Variants in ADGRB3 observed in about 807,000 individuals in gnomAD.
ADGRB3 encodes the protein brain-specific angiogenesis inhibitor 3.
ADGRB3 carries 37 observed loss-of-function variants against 193.4 expected under a neutral mutation model. That is an observed-to-expected ratio of 0.19 (90% CI 0.15 to 0.25). The LOEUF (loss-of-function observed/expected upper bound fraction) is 0.25. ADGRB3 is among the 10% of genes least tolerant of loss of function. The probability of loss-of-function intolerance (pLI) is 1.00; values close to 1 mark genes in which losing one functional copy is unlikely to be tolerated. For synonymous variants in ADGRB3, 690 were observed against 644.2 expected, an observed-to-expected ratio of 1.07 and a Z score of -1.08; for missense variants, 1,637 against 1,852.9, an observed-to-expected ratio of 0.88 and a Z score of 2.14.
intron 3 of ADGRB3, among the ~76,000 whole-genome samples, chr6:68,903,943 A>G (rs1766466742): frequency 6.6e-6 from 1 of 150,592 alleles, no homozygotes; most frequent in Non-Finnish European, 1.5e-5. Context: ...GGCTGCAGTA[A>G]ACTGAGTGTG....
chr6:68,775,632 A>G (rs1486303667), intron 3 of ADGRB3, among the ~76,000 whole-genome samples: 1 of 152,114 alleles, frequency 6.6e-6, no homozygotes, highest in African/African-American at 2.4e-5. Flanking sequence ...CAACTGATTC[A>G]AAAGTTTCTT....
intron 20 of ADGRB3, among the ~76,000 whole-genome samples, chr6:69,298,733 G>T (rs1767886845): frequency 6.6e-6 from 1 of 151,808 alleles, no homozygotes; most frequent in Admixed American, 6.6e-5. Context: ...TTTTGTGGCT[G>T]GATCATATTC....
intron 17 of ADGRB3, among the ~76,000 whole-genome samples, chr6:69,115,974 G>A (rs1480695580): frequency 6.6e-6 from 1 of 152,226 alleles, no homozygotes; most frequent in African/African-American, 2.4e-5. Context: ...CACAATTATG[G>A]AGGCTGGTAA....
At chr6:69,152,211 A>C (rs1299206416) in intron 17 of ADGRB3, among the ~76,000 whole-genome samples, 2 of 152,178 alleles carry the variant, frequency 1.3e-5, no homozygotes, top group Non-Finnish European at 2.9e-5. Flanking sequence ...CTCTAAATCT[A>C]ATTTTTATGT....
rs193167428 is a variant in ADGRB3 at position 68,814,019 on chromosome 6, G to A, written c.758-116540G>A. On this transcript the variant is annotated intron_variant, in intron 3 of 31. Coordinates refer to ENST00000370598, the MANE Select transcript of ADGRB3 (RefSeq NM_001704.3). ...GTGAATAGTGCCACAATAAACCTAC[G>A]TGTGCATGTGTCTTTATAGCAGCAT... is the stretch of plus-strand genomic sequence containing the variant. 2.2e-4 allele frequency among the ~76,000 whole-genome samples: 34 copies of A among 152,244 alleles called. No homozygotes were observed. The East Asian group carries it at 5.2e-3, about 23-fold the overall frequency.
intron 6 of ADGRB3, among the ~76,000 whole-genome samples, chr6:68,946,257 T>G (rs1767772836): frequency 6.6e-6 from 1 of 152,132 alleles, no homozygotes; most frequent in South Asian, 2.1e-4. Flanking sequence ...TATGTAGGTT[T>G]ATTTGGTGGA....
intron 3 of ADGRB3, among the ~76,000 whole-genome samples, chr6:68,644,861 TAC>T (rs1453644494): frequency 6.6e-6 from 1 of 152,182 alleles, no homozygotes; most frequent in Non-Finnish European, 1.5e-5. Flanking sequence ...ATACAATGTA[TAC>T]ACACATGTGC....
chr6:68,793,841 T>A (rs765389596), intron 3 of ADGRB3, among the ~76,000 whole-genome samples: 1 of 152,274 alleles, frequency 6.6e-6, no homozygotes, highest in East Asian at 1.9e-4. Context: ...TATTTAAAAT[T>A]TTTAATTGGA....
chr6:68,788,747 A>C (rs1026632502), intron 3 of ADGRB3, among the ~76,000 whole-genome samples: 1 of 151,904 alleles, frequency 6.6e-6, no homozygotes, highest in African/African-American at 2.4e-5. Context: ...TAACGTTGAC[A>C]ATGGGGTGTT....
chr6:68,973,033 G>A (rs1018011290), intron 8 of ADGRB3, among the ~76,000 whole-genome samples: 2 of 152,170 alleles, frequency 1.3e-5, no homozygotes, highest in Non-Finnish European at 2.9e-5. Context: ...CCTCCACCAA[G>A]CAAAGAGGAC....
intron 8 of ADGRB3, among the ~76,000 whole-genome samples, chr6:68,972,852 A>G (rs756480568): frequency 6.6e-6 from 1 of 152,182 alleles, no homozygotes; most frequent in Non-Finnish European, 1.5e-5. Flanking sequence ...GAATGGCTTA[A>G]GATGCTGAAG....
intron 3 of ADGRB3, among the ~76,000 whole-genome samples, chr6:68,696,283 A>AT (rs776066090): frequency 3.4e-4 from 52 of 151,162 alleles, no homozygotes; most frequent in East Asian, 2.5e-3. Flanking sequence ...AGCTGAATGT[A>AT]TTTTTTTTTA....
chr6:69,206,593 CCAA>C (rs1561952477), intron 17 of ADGRB3, among the ~76,000 whole-genome samples: 1 of 152,030 alleles, frequency 6.6e-6, no homozygotes, highest in Non-Finnish European at 1.5e-5. Context: ...CAGAAACGCA[CCAA>C]TCCCCAACTC....
chr6:68,673,748 C>T (rs1353205144), intron 3 of ADGRB3, among the ~76,000 whole-genome samples: 5 of 151,866 alleles, frequency 3.3e-5, no homozygotes, highest in African/African-American at 1.2e-4. Flanking sequence ...TTTTGTTACC[C>T]ATTAGTGAAC....
rs150516996 is a variant in ADGRB3, at chr6:68,757,211, G to A, written c.757+117779G>A. On this transcript the variant is annotated intron_variant, in intron 3 of 31. Transcript: ENST00000370598. ...GCTTTTTTGACCAGGTCTCTGTCCTGCACTTAATATCCCTGTTTTCCACCT... is the reference window on the plus strand; with the variant it reads ...GCTTTTTTGACCAGGTCTCTGTCCTACACTTAATATCCCTGTTTTCCACCT... 2.8e-3 allele frequency among the ~76,000 whole-genome samples: 428 copies of A among 152,090 alleles called. 1 individual carries two copies. The highest frequency in any genetic ancestry group is 9.8e-3 in the African/African-American group (405 of 41,514).
chr6:69,357,427 A>AAAGTTTGGTGAC (rs1769359175), intron 28 of ADGRB3, among the ~76,000 whole-genome samples: 1 of 152,012 alleles, frequency 6.6e-6, no homozygotes, highest in Non-Finnish European at 1.5e-5. Context: ...CATACTATCC[A>AAAGTTTGGTGAC]TTTCCATTGT....
At chr6:68,707,233 C>G (rs1765340818) in intron 3 of ADGRB3, among the ~76,000 whole-genome samples, 1 of 151,918 alleles carries the variant, frequency 6.6e-6, no homozygotes, top group Non-Finnish European at 1.5e-5. Flanking sequence ...GACTGATTGT[C>G]TAATGGATTA....
chr6:69,215,021 A>C (rs1765748165), intron 17 of ADGRB3, among the ~76,000 whole-genome samples: 1 of 152,086 alleles, frequency 6.6e-6, no homozygotes, highest in South Asian at 2.1e-4. Flanking sequence ...ATGCCGACCT[A>C]AATTGAGGGA....
intron 3 of ADGRB3, among the ~76,000 whole-genome samples, chr6:68,729,573 T>C (rs2127330613): frequency 6.6e-6 from 1 of 151,616 alleles, no homozygotes; most frequent in East Asian, 2.0e-4. Flanking sequence ...ATATTGGTGC[T>C]CTAAGGCAGG....
Sources: allele counts gnomAD v4.1 joint callset (sites outside exome capture counted in the v4.1 genomes callset), GRCh38; gene constraint gnomAD v4.1.1; transcripts MANE v1.5; gene names NCBI Gene and HGNC (gene_info 2026-07-23, HGNC 2026-07-21).